JMJD8: variants seen among roughly 807,000 people sequenced by gnomAD.
The protein encoded by JMJD8 is jmjC domain-containing protein 8.
JMJD8 carries 56 observed loss-of-function variants against 37.6 expected under a neutral mutation model. That is an observed-to-expected ratio of 1.49 (90% CI 1.20 to 1.86). The LOEUF (loss-of-function observed/expected upper bound fraction) is 1.86, where lower values mean the gene tolerates loss of function less well. JMJD8 is among the 40% of genes most tolerant of loss of function. JMJD8 has a pLI of 0.00. For missense variants in JMJD8, 542 were observed against 362.7 expected (o/e 1.49, Z -4.01); for synonymous variants, 261 against 163.7 (o/e 1.59, Z -4.54).
Position 681,998 on chromosome 16 carries a change from C to A in JMJD8, c.*796G>T, listed in dbSNP as rs772469244. ...AGGGAGGTGGGGTGTCTCCCCCAAG[C>A]ACAGCACTCAACTCTTCACAGGACA... On this transcript the variant is annotated 3_prime_UTR_variant, in exon 9 of 9. Coordinates refer to ENST00000609261, the MANE Select transcript of JMJD8 (RefSeq NM_001005920.4). 1.1e-5 allele frequency: 17 copies of A among 1,611,286 alleles called. No homozygotes were observed. In the East Asian group the frequency reaches 3.3e-4, roughly 32 times the overall value.
At position 681,707 on chromosome 16, in the gene JMJD8, G is replaced by A. The variant is rs1425043328; in HGVS notation, c.*1087C>T. 1 of 1,552,324 alleles carries A rather than the reference G, an allele frequency of 6.4e-7. No homozygotes were observed. Among genetic ancestry groups the A allele is most frequent in the Non-Finnish European group, 8.7e-7 (1 of 1,143,456 alleles). The stretch of plus-strand genomic sequence containing the variant: ...CTTTACTGGCAAGCAGGAAATGTGG[G>A]GAAGTGTGGATGTTAGCTCTGAGAT... On this transcript the variant is annotated 3_prime_UTR_variant, in exon 9 of 9. Coordinates refer to ENST00000609261, the MANE Select transcript of JMJD8 (RefSeq NM_001005920.4).
chr16:683,399 G>T lies in JMJD8; in HGVS notation c.434C>A (p.Ala145Asp), dbSNP rs199835008. The change falls in exon 6 of 9, where the codon GCC (alanine) becomes GAC (aspartate). Residue 145 changes from alanine to aspartate, a missense_variant. By Grantham distance (126) the Ala-to-Asp change is moderately radical. Transcript: ENST00000609261. The stretch of plus-strand genomic sequence containing the variant: ...TGGGGAGTAGTGCCGAAAGAGAGAG[G>T]CCCACTCGGTGAAGTTGTTGTCCCC... ...FFGDNNFTEW[A>D]SLFRHYSPPP... The T allele has an allele frequency of 3.2e-6, 5 of 1,554,018 alleles. No homozygotes were observed. Among genetic ancestry groups the T allele is most frequent in the Non-Finnish European group, 4.4e-6 (5 of 1,148,476 alleles).
intron 7 of JMJD8, 23 bp downstream of exon 7, chr16:683,144 C>G: frequency 6.2e-7 from 1 of 1,613,502 alleles, no homozygotes; most frequent in South Asian, 1.1e-5. Flanking sequence ...AGTCCCAAGC[C>G]TCAACCCCCA....
rs763270493 is a variant in JMJD8, at chr16:682,221, G to T, written c.*573C>A. ...AGATCAGCTTTGAGCTGATGCGGGA[G>T]CCGTGCATCACGCCCAGTGGCATCA... is the stretch of plus-strand genomic sequence containing the variant. On this transcript the variant is annotated 3_prime_UTR_variant, in exon 9 of 9. Transcript: ENST00000609261. 2.5e-6 allele frequency: 4 copies of T among 1,612,952 alleles called. No homozygotes were observed. The Admixed American group carries it at 5.0e-5, about 20-fold the overall frequency.
rs1308224940 is a variant in JMJD8, at chr16:683,688, T to C, written c.319A>G (p.Lys107Glu). 6 of 1,602,510 alleles carry C rather than the reference T, an allele frequency of 3.7e-6. No individual in the cohort carries two copies. The highest frequency in any genetic ancestry group is 5.1e-6 in the Non-Finnish European group (6 of 1,175,312). The change falls in exon 4 of 9, where the codon AAA (lysine) becomes GAA (glutamate). Residue 107 changes from lysine (K) to glutamate (E), a missense_variant. Transcript: ENST00000609261. Reference sequence around the variant, plus strand: ...CCCCAGGGGTGAGGCCGCGTACCTTTGTGGTAGGAGTAGGTGTTGGCGGTG... The same window carrying C: ...CCCCAGGGGTGAGGCCGCGTACCTTCGTGGTAGGAGTAGGTGTTGGCGGTG... ...LSTANTYSYH[K>E]VDLPFQEYVE...
chr16:682,911 G>A (rs748753798), intron 8 of JMJD8, 37 bp from the exon 9 acceptor site: 17 of 1,612,294 alleles, frequency 1.1e-5, no homozygotes, highest in Admixed American at 8.3e-5. Context: ...GATTAGCTGC[G>A]GGCCTCTAGC....
rs199505183 is a variant in JMJD8, at chr16:681,774, G to A, written c.*1020C>T. On this transcript the variant is annotated 3_prime_UTR_variant, in exon 9 of 9. Transcript: ENST00000609261. ...ATCTGGCCAGGTCCATCTCTGACCG[G>A]CTCCTGGTCAACCCCCAGGGAGCTG... 8.8e-6 allele frequency: 14 copies of A among 1,582,308 alleles called. No individual in the cohort carries two copies. In the East Asian group the frequency reaches 2.5e-4, roughly 28 times the overall value.
In JMJD8 at chr16:683,721, G is replaced by T; in HGVS notation, c.286C>A (p.Arg96=). 1 of 1,608,300 alleles carries T rather than the reference G, an allele frequency of 6.2e-7. No homozygotes were observed. Among genetic ancestry groups the T allele is most frequent in the South Asian group, 1.1e-5 (1 of 90,232 alleles). ...GAGTAGGTGTTGGCGGTGCTCAGCC[G>T]GACCACTCTGTCCCCAAACGAAGCC... ...LLASFGDRVV[R]LSTANTYSYH... Residue 96 remains arginine (R), a synonymous_variant, in exon 4 of 9, where the codon CGG becomes AGG. Coordinates refer to ENST00000609261, the MANE Select transcript of JMJD8 (RefSeq NM_001005920.4).
rs755319630 is a variant in JMJD8, at chr16:683,951, C to T, written c.177-42G>A. ...AGTCGCGGCCAGGCCGGACCGCCAG[C>T]CTCGCCGCCCCAGCCCCACGCGTGC... On this transcript the variant is annotated intron_variant, in intron 2 of 8. Coordinates refer to ENST00000609261, the MANE Select transcript of JMJD8 (RefSeq NM_001005920.4). 5 of 1,558,984 alleles carry T rather than the reference C, an allele frequency of 3.2e-6. No individual in the cohort carries two copies. In the African/African-American group the frequency reaches 6.8e-5, roughly 21 times the overall value.
chr16:683,549 G>C lies in JMJD8; in HGVS notation c.372C>G (p.Asp124Glu). 2.6e-6 allele frequency: 4 copies of C among 1,566,892 alleles called. No individual in the cohort carries two copies. The highest frequency in any genetic ancestry group is 3.5e-6 in the Non-Finnish European group (4 of 1,155,776). ...EYVEQLLHPQ[D>E]PTSLGNDTLY... ...CCTCACCATTGCCCAGGGAGGTGGG[G>C]TCCTGGGGGTGCAGCAGCTGCTCCA... The change falls in exon 5 of 9, where the codon GAC becomes GAG. Residue 124 changes from aspartate to glutamate, a missense_variant. Physicochemically the swap from Asp to Glu is conservative, Grantham distance 45. Transcript: ENST00000609261.
rs1440941659 is a variant in JMJD8, at chr16:681,916, G to T, written c.*878C>A. 1 of 1,612,892 alleles carries T rather than the reference G, an allele frequency of 6.2e-7. No individual in the cohort carries two copies. Among genetic ancestry groups the T allele is most frequent in the Non-Finnish European group, 8.5e-7 (1 of 1,179,654 alleles). ...CCCCCACCCACATGTGGGTCTGTGT[G>T]TGTGCACGTGGCGTGGGAGCATCCC... On this transcript the variant is annotated 3_prime_UTR_variant, in exon 9 of 9. Transcript: ENST00000609261.
chr16:681,968 G>A lies in JMJD8; in HGVS notation c.*826C>T. The A allele has an allele frequency of 6.2e-7, 1 of 1,612,550 alleles. No homozygotes were observed. The highest frequency in any genetic ancestry group is 1.1e-5 in the South Asian group (1 of 91,002). ...GCCTTGTGTTGGGTCTGTGCCCCAT[G>A]GAGGAGGGAGGTGGGGTGTCTCCCC... On this transcript the variant is annotated 3_prime_UTR_variant, in exon 9 of 9. Transcript: ENST00000609261.
At position 682,774 on chromosome 16, in the gene JMJD8, A is replaced by G. The variant is rs2039727978; in HGVS notation, c.*20T>C. 1.9e-6 allele frequency: 3 copies of G among 1,612,200 alleles called. No individual in the cohort carries two copies. The Admixed American group carries it at 5.0e-5, about 27-fold the overall frequency. On this transcript the variant is annotated 3_prime_UTR_variant, in exon 9 of 9. Coordinates refer to ENST00000609261, the MANE Select transcript of JMJD8 (RefSeq NM_001005920.4). The stretch of plus-strand genomic sequence containing the variant: ...TGGGACGTGCTGGTGTGTGACCGGC[A>G]GTCCTGCCAGCTGTTTTGGCTAGCC...
Position 683,871 on chromosome 16 carries a change from G to T in JMJD8, c.215C>A (p.Thr72Lys). 1 of 1,585,658 alleles carries T rather than the reference G, an allele frequency of 6.3e-7. No individual in the cohort carries two copies. The highest frequency in any genetic ancestry group is 8.6e-7 in the Non-Finnish European group (1 of 1,168,456). Residue 72 changes from threonine to lysine, a missense_variant, in exon 3 of 9, where the codon ACG becomes AAG. Thr to Lys is a moderately conservative substitution (Grantham distance 78, BLOSUM62 -1). Transcript: ENST00000609261. ...CGGGCACGCGCTCACCGAGTTGTCCGTGAGTCCCTGCAGGATGACGGGCCT... is the reference window on the plus strand; with the variant it reads ...CGGGCACGCGCTCACCGAGTTGTCCTTGAGTCCCTGCAGGATGACGGGCCT... ...FVRPVILQGL[T>K]DNSRFRALCS... is the part of the protein sequence containing the mutation.
Position 683,614 on chromosome 16 carries a change from G to C in JMJD8, c.323-16C>G, listed in dbSNP as rs1180061837. 6.3e-7 allele frequency: 1 copy of C among 1,576,844 alleles called. No individual in the cohort carries two copies. The highest frequency in any genetic ancestry group is 1.2e-5 in the South Asian group (1 of 86,516). The stretch of plus-strand genomic sequence containing the variant: ...GGCAAGTCCACTGCAGGAAAGAGAC[G>C]GGTCAGGACCGTCTGGTCCAGCCGC... On this transcript the variant is annotated splice_polypyrimidine_tract_variant and intron_variant, in intron 4 of 8. Transcript: ENST00000609261.
At position 681,910 on chromosome 16, in the gene JMJD8, CTG is replaced by C. The variant is rs770731909; in HGVS notation, c.*882_*883del. 9.9e-6 allele frequency: 16 copies of C among 1,611,768 alleles called. No homozygotes were observed. Among genetic ancestry groups the C allele is most frequent in the South Asian group, 2.2e-5 (2 of 91,052 alleles). On this transcript the variant is annotated 3_prime_UTR_variant, in exon 9 of 9. Transcript: ENST00000609261. ...GGGTGCCCCCCACCCACATGTGGGT[CTG>C]TGTGTGTGCACGTGGCGTGGGAGCA...
At chr16:683,656 G>A in intron 4 of JMJD8, 29 bp downstream of exon 4, 1 of 1,585,020 alleles carries the variant, frequency 6.3e-7, no homozygotes, top group Non-Finnish European at 8.6e-7. Flanking sequence ...GTTGGCAAAT[G>A]GGCGGGCCCC....
Position 681,984 on chromosome 16 carries a change from G to A in JMJD8, c.*810C>T. ...GTGCCCCATGGAGGAGGGAGGTGGG[G>A]TGTCTCCCCCAAGCACAGCACTCAA... On this transcript the variant is annotated 3_prime_UTR_variant, in exon 9 of 9. Transcript: ENST00000609261. 1.9e-6 allele frequency: 3 copies of A among 1,612,672 alleles called. No individual in the cohort carries two copies. The highest frequency in any genetic ancestry group is 2.2e-5 in the East Asian group (1 of 44,858).
At position 683,799 on chromosome 16, in the gene JMJD8, G is replaced by A. The variant is rs1281154456; in HGVS notation, c.226-18C>T. The A allele has an allele frequency of 1.9e-6, 3 of 1,594,576 alleles. No individual in the cohort carries two copies. Among genetic ancestry groups the A allele is most frequent in the Admixed American group, 3.5e-5 (2 of 57,618 alleles). Reference sequence around the variant, plus strand: ...CGGAACCTCTGCGGGGGCGGGGAGGGGACTTAGTGGCCGGGCCCAGCACGG... The same window carrying A: ...CGGAACCTCTGCGGGGGCGGGGAGGAGACTTAGTGGCCGGGCCCAGCACGG... On this transcript the variant is annotated intron_variant, in intron 3 of 8. Coordinates refer to ENST00000609261, the MANE Select transcript of JMJD8 (RefSeq NM_001005920.4).
Sources: gnomAD v4.1 joint callset for allele counts on GRCh38, gnomAD v4.1.1 for gene constraint, MANE v1.5 for transcripts, NCBI Gene and HGNC (gene_info 2026-07-23, HGNC 2026-07-21) for gene names.